PWP1: variants seen among roughly 807,000 people sequenced by gnomAD.
PWP1 encodes periodic tryptophan protein 1 homolog.
In PWP1, 47 loss-of-function variants were observed where a neutral mutation model predicts 69.9. The observed-to-expected ratio is 0.67, with a 90% CI of 0.53 to 0.86. The LOEUF (loss-of-function observed/expected upper bound fraction) is 0.86, where lower values mean the gene tolerates loss of function less well. Ranked by LOEUF, PWP1 falls within the 40% of genes least tolerant of loss-of-function variation. The pLI is 0.00. For missense variants in PWP1, 551 were observed against 608.8 expected (o/e 0.91, Z 1.00); for synonymous variants, 222 against 208.2 (o/e 1.07, Z -0.57).
At chr12:107,692,500 T>C (rs1889499692) in intron 3 of PWP1, among the ~76,000 whole-genome samples, 1 of 152,224 alleles carries the variant, frequency 6.6e-6, no homozygotes, top group African/African-American at 2.4e-5. Context: ...CCTTCAATCA[T>C]GAATGCAGGG....
In PWP1 at chr12:107,686,174, G is replaced by A. The variant is rs932033019; in HGVS notation, c.72+203G>A. 1.3e-5 allele frequency: 8 copies of A among 611,956 alleles called. No homozygotes were observed. In the African/African-American group the frequency reaches 1.5e-4, roughly 11 times the overall value. The allele number at this position is 611,956 out of a possible 1,614,324, so 37.9% of individuals were successfully genotyped here. On this transcript the variant is annotated intron_variant, in intron 1 of 14. Transcript: ENST00000412830. ...CTGAGCCTGGAGAGTCAAGGGCCGC[G>A]CCTTCTCACTGTTCCCACCCTCAAG...
At chr12:107,697,887 C>T in intron 7 of PWP1, 2 of 464,636 alleles carry the variant, frequency 4.3e-6, no homozygotes, top group South Asian at 3.2e-5. Flanking sequence ...GGATTATGAG[C>T]CTCCTCCAAA....
At chr12:107,703,308 C>G (rs938364879) in intron 9 of PWP1, among the ~76,000 whole-genome samples, 3 of 152,174 alleles carry the variant, frequency 2.0e-5, no homozygotes, top group African/African-American at 7.2e-5. Context: ...TGAGGTCTGT[C>G]AGTCACAATG....
chr12:107,702,849 G>T, intron 8 of PWP1, 86 bp from the exon 9 acceptor site: 1 of 810,100 alleles, frequency 1.2e-6, no homozygotes, highest in Admixed American at 2.0e-5. Context: ...TATTCTTTCT[G>T]ATGCTATTGT....
chr12:107,686,829 G>A (rs953269427), intron 1 of PWP1, among the ~76,000 whole-genome samples: 4 of 152,098 alleles, frequency 2.6e-5, no homozygotes, highest in Non-Finnish European at 4.4e-5. Context: ...AGCCGGGTGT[G>A]GTGGTGGATG....
intron 2 of PWP1, 27 bp from the exon 3 acceptor site, chr12:107,688,588 A>AT: frequency 1.2e-6 from 2 of 1,611,082 alleles, no homozygotes; most frequent in Non-Finnish European, 1.7e-6. Flanking sequence ...CATTTGGGTG[A>AT]TTCTCTTTTT....
At chr12:107,711,953 ATTCAC>A (rs1196756452) in intron 14 of PWP1, among the ~76,000 whole-genome samples, 153 bp from the exon 15 acceptor site, 3 of 152,208 alleles carry the variant, frequency 2.0e-5, no homozygotes, top group Non-Finnish European at 2.9e-5. Context: ...TAAAAAAATA[ATTCAC>A]TTCATTCAGA....
At chr12:107,705,258 A>C (rs1235235064) in intron 11 of PWP1, among the ~76,000 whole-genome samples, 1 of 152,136 alleles carries the variant, frequency 6.6e-6, no homozygotes, top group African/African-American at 2.4e-5. Flanking sequence ...TTCCACTGAC[A>C]TTTCAGTACA....
intron 3 of PWP1, among the ~76,000 whole-genome samples, chr12:107,690,480 G>T (rs185387083): frequency 5.8e-4 from 89 of 152,186 alleles, no homozygotes; most frequent in Middle Eastern, 3.4e-3. Flanking sequence ...TTTTGTGTGT[G>T]TGAGACGGAG....
At chr12:107,707,380 C>G (rs1464870043) in intron 11 of PWP1, among the ~76,000 whole-genome samples, 1 of 152,046 alleles carries the variant, frequency 6.6e-6, no homozygotes, top group African/African-American at 2.4e-5. Flanking sequence ...TAATTGAATA[C>G]CCTTTATTTC....
In PWP1 at chr12:107,688,736, A is replaced by C. The variant is rs141217040; in HGVS notation, c.253A>C (p.Arg85=). 1.9e-6 allele frequency: 3 copies of C among 1,614,254 alleles called. No homozygotes were observed. The highest frequency in any genetic ancestry group is 2.5e-6 in the Non-Finnish European group (3 of 1,180,044). ...PLEDGDPEDD[R]TLDDDELAEY... is the part of the protein sequence containing the mutation. ...GGAGGATGGTGACCCAGAGGATGACAGGACGCTTGATGATGATGAGCTGGC... is the reference window on the plus strand; with the variant it reads ...GGAGGATGGTGACCCAGAGGATGACCGGACGCTTGATGATGATGAGCTGGC... The change falls in exon 3 of 15, where the codon AGG becomes CGG. Residue 85 remains arginine (R), a synonymous_variant. Coordinates refer to ENST00000412830, the MANE Select transcript of PWP1 (RefSeq NM_007062.3).
chr12:107,698,440 T>C (rs914995181), intron 7 of PWP1, among the ~76,000 whole-genome samples: 1 of 151,564 alleles, frequency 6.6e-6, no homozygotes, highest in African/African-American at 2.4e-5. Flanking sequence ...GTGGGAGGAG[T>C]GCTTGAGCCC....
chr12:107,710,060 A>G (rs11113450), intron 13 of PWP1, among the ~76,000 whole-genome samples: 44,616 of 152,120 alleles, frequency 0.29, 8,239 homozygotes, highest in Middle Eastern at 0.43. Flanking sequence ...CATCATTGTT[A>G]TTGTTTAAAA....
intron 14 of PWP1, among the ~76,000 whole-genome samples, chr12:107,711,675 G>A (rs754600049): frequency 6.6e-6 from 1 of 152,074 alleles, no homozygotes; most frequent in Non-Finnish European, 1.5e-5. Flanking sequence ...TCTCCCCACT[G>A]TATGATTCCT....
intron 10 of PWP1, 34 bp downstream of exon 10, chr12:107,703,780 G>A: frequency 6.5e-7 from 1 of 1,547,072 alleles, no homozygotes; most frequent in Non-Finnish European, 8.9e-7. Context: ...TTGCTACTCT[G>A]TTTTTATCCT....
At chr12:107,689,228 A>G (rs1889434644) in intron 3 of PWP1, among the ~76,000 whole-genome samples, 2 of 152,216 alleles carry the variant, frequency 1.3e-5, no homozygotes, top group Admixed American at 6.5e-5. Context: ...CAGTCTGAAA[A>G]TAAGTGAGTA....
chr12:107,685,962 A>G lies in PWP1; in HGVS notation c.63A>G (p.Thr21=), dbSNP rs1484435461. Residue 21 remains threonine (T), a synonymous_variant, in exon 1 of 15, where the codon ACA becomes ACG. Coordinates refer to ENST00000412830, the MANE Select transcript of PWP1 (RefSeq NM_007062.3). ...TCCGCTGCGGCGTGGCCAAAGAGAC[A>G]CCAGACAAGGTGAGGCCTGGTCGCT... ...AWVRCGVAKE[T]PDKVELSKEE... is the part of the protein sequence containing the mutation. 5 of 1,613,820 alleles carry G rather than the reference A, an allele frequency of 3.1e-6. No homozygotes were observed. In the East Asian group the frequency reaches 8.9e-5, roughly 29 times the overall value.
chr12:107,711,305 C>G (rs369963999), intron 14 of PWP1, among the ~76,000 whole-genome samples: 1 of 152,168 alleles, frequency 6.6e-6, no homozygotes, highest in South Asian at 2.1e-4. Flanking sequence ...TGCCCTCATT[C>G]GTAAACCCAC....
Position 107,701,295 on chromosome 12 carries a change from C to A in PWP1, c.807-1640C>A, listed in dbSNP as rs867041236. On this transcript the variant is annotated intron_variant, in intron 8 of 14. Coordinates refer to ENST00000412830, the MANE Select transcript of PWP1 (RefSeq NM_007062.3). ...GGCATGAGCCACCAAGCCTGGCCTC[C>A]CTTTGCCTGTTTTTTGTGTTTGATG... 5.9e-5 allele frequency among the ~76,000 whole-genome samples: 9 copies of A among 151,990 alleles called. No individual in the cohort carries two copies. In the South Asian group the frequency reaches 1.0e-3, roughly 18 times the overall value.
Sources: allele counts gnomAD v4.1 joint callset (sites outside exome capture counted in the v4.1 genomes callset), GRCh38; gene constraint gnomAD v4.1.1; transcripts MANE v1.5; gene names NCBI Gene and HGNC (gene_info 2026-07-23, HGNC 2026-07-21).